Variants in PTPRD observed in about 807,000 individuals in gnomAD.
PTPRD encodes the protein protein tyrosine phosphatase receptor type D, also known as receptor-type tyrosine-protein phosphatase delta.
A neutral mutation model predicts 214.5 loss-of-function variants in PTPRD; 34 were observed. The ratio of observed to expected loss-of-function variants is 0.16; its 90% CI spans 0.12 to 0.21. PTPRD has a LOEUF of 0.21. Ranked by LOEUF, PTPRD falls within the 10% of genes least tolerant of loss-of-function variation. The pLI is 1.00. For synonymous variants in PTPRD, 1,128 were observed against 845.7 expected (o/e 1.33, Z -5.79); for missense variants, 2,545 against 2,398.7 (o/e 1.06, Z -1.27).
chr9:10,093,022 C>T (rs1285510468), intron 3 of PTPRD, among the ~76,000 whole-genome samples: 1 of 151,554 alleles, frequency 6.6e-6, no homozygotes, highest in African/African-American at 2.4e-5. Context: ...TAGGACATAC[C>T]TGTCTCAACA....
chr9:8,854,615 G>C (rs1288058769), intron 11 of PTPRD, among the ~76,000 whole-genome samples: 1 of 152,158 alleles, frequency 6.6e-6, no homozygotes, highest in Non-Finnish European at 1.5e-5. Flanking sequence ...ACTGCCTAAT[G>C]TCTCTCAAGA....
At chr9:8,836,832 G>A (rs147098705) in intron 11 of PTPRD, among the ~76,000 whole-genome samples, 19 of 151,582 alleles carry the variant, frequency 1.3e-4, no homozygotes, top group African/African-American at 3.6e-4. Context: ...TCCTGACCTC[G>A]TGATCCACCC....
At chr9:9,016,794 G>A (rs1459498020) in intron 11 of PTPRD, among the ~76,000 whole-genome samples, 1 of 152,124 alleles carries the variant, frequency 6.6e-6, no homozygotes, top group Non-Finnish European at 1.5e-5. Flanking sequence ...CAGCAATGTT[G>A]ACCAAGTTCA....
intron 3 of PTPRD, among the ~76,000 whole-genome samples, chr9:10,116,078 T>C (rs2098728652): frequency 6.6e-6 from 1 of 152,100 alleles, no homozygotes; most frequent in South Asian, 2.1e-4. Context: ...TTTATAATTA[T>C]ATCAGGCTTA....
intron 9 of PTPRD, among the ~76,000 whole-genome samples, chr9:9,219,045 CAA>C (rs2099954150): frequency 6.6e-6 from 1 of 152,100 alleles, no homozygotes; most frequent in Admixed American, 6.6e-5. Context: ...TTCCACTAAA[CAA>C]AGTCTCTTTT....
At chr9:9,764,711 T>C (rs943215763) in intron 6 of PTPRD, among the ~76,000 whole-genome samples, 3 of 152,196 alleles carry the variant, frequency 2.0e-5, no homozygotes, top group African/African-American at 7.2e-5. Flanking sequence ...TTATTGTTAA[T>C]AAATTCATTT....
rs570317447 is a variant in PTPRD, at chr9:9,482,866, T to G, written c.-236-85384A>C. Among the ~76,000 whole-genome samples the G allele has an allele frequency of 1.2e-4, 18 of 152,286 alleles. No homozygotes were observed. In the East Asian group the frequency reaches 2.9e-3, roughly 25 times the overall value. ...TATCACAATTATGCAAATAAGTAATTGCTAAAGTTCTAGTTTGCAAGGAAG... is the reference window on the plus strand; with the variant it reads ...TATCACAATTATGCAAATAAGTAATGGCTAAAGTTCTAGTTTGCAAGGAAG... On this transcript the variant is annotated intron_variant, in intron 8 of 45. Coordinates refer to ENST00000381196, the MANE Select transcript of PTPRD (RefSeq NM_002839.4).
At chr9:10,218,727 T>G (rs920280911) in intron 3 of PTPRD, among the ~76,000 whole-genome samples, 3 of 151,864 alleles carry the variant, frequency 2.0e-5, no homozygotes, top group Non-Finnish European at 4.4e-5. Context: ...GTTCACCAAA[T>G]GCACTGGATA....
intron 7 of PTPRD, among the ~76,000 whole-genome samples, chr9:9,689,852 T>C (rs1171728906): frequency 1.3e-5 from 2 of 151,906 alleles, no homozygotes; most frequent in African/African-American, 4.8e-5. Context: ...TTTCATTATG[T>C]ATGTACACAT....
chr9:8,940,855 T>A (rs1219281159), intron 11 of PTPRD, among the ~76,000 whole-genome samples: 1 of 146,564 alleles, frequency 6.8e-6, no homozygotes, highest in African/African-American at 2.5e-5. Flanking sequence ...ATGATGATGA[T>A]GATGTTCACA....
At chr9:9,047,673 G>A (rs914062331) in intron 10 of PTPRD, among the ~76,000 whole-genome samples, 1 of 152,094 alleles carries the variant, frequency 6.6e-6, no homozygotes, top group Non-Finnish European at 1.5e-5. Context: ...AATAAATGGT[G>A]CTGGGAAAAC....
In PTPRD at chr9:10,484,229, G is replaced by A. The variant is rs576245147; in HGVS notation, c.-600+128169C>T. 6.6e-5 allele frequency among the ~76,000 whole-genome samples: 10 copies of A among 152,172 alleles called. No homozygotes were observed. The East Asian group carries it at 1.5e-3, about 24-fold the overall frequency. ...AAATACTACATGTTCTCACTTATAC[G>A]TGAGAGTTAAGCTATGGGTACACGA... On this transcript the variant is annotated intron_variant, in intron 2 of 45. Transcript: ENST00000381196.
intron 9 of PTPRD, among the ~76,000 whole-genome samples, chr9:9,202,730 G>C (rs1474616245): frequency 6.6e-6 from 1 of 152,234 alleles, no homozygotes; most frequent in Admixed American, 6.5e-5. Context: ...TGCTGCACAT[G>C]TAACCTGAGG....
At chr9:9,523,497 C>T (rs1290386949) in intron 8 of PTPRD, among the ~76,000 whole-genome samples, 2 of 152,070 alleles carry the variant, frequency 1.3e-5, no homozygotes, top group East Asian at 1.9e-4. Context: ...CTTCCCTTGA[C>T]ACAACATATT....
intron 9 of PTPRD, among the ~76,000 whole-genome samples, chr9:9,326,457 CAG>C (rs574387295): frequency 5.5e-4 from 84 of 152,002 alleles, no homozygotes; most frequent in South Asian, 1.2e-3. Context: ...AATTAGAAAA[CAG>C]AGATTCAGAG....
At chr9:8,834,631 C>A (rs1030684185) in intron 11 of PTPRD, among the ~76,000 whole-genome samples, 1 of 152,076 alleles carries the variant, frequency 6.6e-6, no homozygotes, top group African/African-American at 2.4e-5. Flanking sequence ...ATGTTCACAG[C>A]AATAGTATGA....
chr9:8,484,095 G>A, intron 30 of PTPRD, 24 bp downstream of exon 30: 1 of 1,606,784 alleles, frequency 6.2e-7, no homozygotes, highest in Non-Finnish European at 8.5e-7. Flanking sequence ...CTTTCCTTCA[G>A]CCCTAAGCCT....
intron 9 of PTPRD, among the ~76,000 whole-genome samples, chr9:9,289,003 A>G (rs1434759468): frequency 6.6e-6 from 1 of 151,846 alleles, no homozygotes; most frequent in East Asian, 2.0e-4. Flanking sequence ...TGAGTCAACT[A>G]AACCTCTTTT....
rs62536899 is a variant in PTPRD at position 9,936,105 on chromosome 9, G to A, written c.-368+2402C>T. Among the ~76,000 whole-genome samples the A allele has an allele frequency of 1.6e-4, 24 of 145,876 alleles. 1 individual carries two copies. The highest frequency in any genetic ancestry group is 5.3e-4 in the African/African-American group (19 of 36,078). ...AGATGGATTAAAGACTTAAACGTTC[G>A]ACCTAAAACCATAAAAGCCCTAGAA... On this transcript the variant is annotated intron_variant, in intron 5 of 45. Coordinates refer to ENST00000381196, the MANE Select transcript of PTPRD (RefSeq NM_002839.4).
Sources: gnomAD v4.1 joint callset for allele counts (sites outside exome capture counted in the v4.1 genomes callset) on GRCh38, gnomAD v4.1.1 for gene constraint, MANE v1.5 for transcripts, NCBI Gene and HGNC (gene_info 2026-07-23, HGNC 2026-07-21) for gene names.